Variants in GALNT11 observed in about 807,000 individuals in gnomAD.
GALNT11 encodes polypeptide N-acetylgalactosaminyltransferase 11.
A neutral mutation model predicts 72.7 loss-of-function variants in GALNT11; 47 were observed. The ratio of observed to expected loss-of-function variants is 0.65; its 90% confidence interval spans 0.51 to 0.82. The LOEUF (loss-of-function observed/expected upper bound fraction) is 0.82. Ranked by LOEUF, GALNT11 falls within the 40% of genes least tolerant of loss-of-function variation. GALNT11 has a pLI of 0.00. For synonymous variants in GALNT11, 270 were observed against 286.6 expected (o/e 0.94, Z 0.58); for missense variants, 677 against 778.4 (o/e 0.87, Z 1.55).
intron 1 of GALNT11, among the ~76,000 whole-genome samples, chr7:152,064,549 T>A (rs539491208): frequency 6.6e-6 from 1 of 152,322 alleles, no homozygotes; most frequent in South Asian, 2.1e-4. Flanking sequence ...TTCCTAGCAT[T>A]GATGGTCTTT....
At chr7:152,079,259 G>T (rs1177864520) in intron 1 of GALNT11, 1 of 152,126 alleles carries the variant, frequency 6.6e-6, no homozygotes, top group East Asian at 1.9e-4. Flanking sequence ...TTTACCTGAG[G>T]TAGCTTTTAC....
At chr7:152,048,085 A>G (rs1476938375) in intron 1 of GALNT11, among the ~76,000 whole-genome samples, 1 of 151,962 alleles carries the variant, frequency 6.6e-6, no homozygotes, top group African/African-American at 2.4e-5. Flanking sequence ...TTCTTTTAAG[A>G]TAGGTCTAGT....
At chr7:152,100,426 C>T (rs2086779527) in intron 2 of GALNT11, among the ~76,000 whole-genome samples, 2 of 151,890 alleles carry the variant, frequency 1.3e-5, no homozygotes, top group African/African-American at 4.8e-5. Flanking sequence ...ATTAGCTGGG[C>T]GTGGTGGCAT....
chr7:152,077,811 A>G (rs763800730), intron 1 of GALNT11, among the ~76,000 whole-genome samples: 1 of 152,144 alleles, frequency 6.6e-6, no homozygotes, highest in Non-Finnish European at 1.5e-5. Flanking sequence ...CGCACAGATA[A>G]CAGAGGATAG....
At chr7:152,088,714 T>C (rs1039755710) in intron 1 of GALNT11, among the ~76,000 whole-genome samples, 2 of 152,232 alleles carry the variant, frequency 1.3e-5, no homozygotes, top group African/African-American at 4.8e-5. Flanking sequence ...TAGAACTCAC[T>C]TTTAAAATCA....
At chr7:152,061,142 C>G (rs1388431867) in intron 1 of GALNT11, among the ~76,000 whole-genome samples, 2 of 152,138 alleles carry the variant, frequency 1.3e-5, no homozygotes, top group Non-Finnish European at 1.5e-5. Flanking sequence ...CCTGTTGTTT[C>G]CTGACTTTTT....
chr7:152,067,817 C>T (rs2084393316), intron 1 of GALNT11, among the ~76,000 whole-genome samples: 1 of 152,108 alleles, frequency 6.6e-6, no homozygotes, highest in Admixed American at 6.5e-5. Context: ...TTAATTGGCT[C>T]AGGGTTCTGC....
At chr7:152,089,349 C>G (rs1436662308) in intron 1 of GALNT11, among the ~76,000 whole-genome samples, 1 of 152,106 alleles carries the variant, frequency 6.6e-6, no homozygotes, top group Non-Finnish European at 1.5e-5. Flanking sequence ...AAATAGCACT[C>G]AAATATAAAT....
intron 1 of GALNT11, chr7:152,075,168 G>T (rs1444371010): frequency 6.6e-6 from 1 of 152,368 alleles, no homozygotes; most frequent in Non-Finnish European, 1.5e-5. Context: ...GGCTCTGGCA[G>T]TTTCTGCTCC....
Position 152,094,388 on chromosome 7 carries a change from A to T in GALNT11, c.161A>T (p.Lys54Ile). Reference protein sequence around the residue: ...GSGPHGPSPKKFYPRFTRGPS... With the variant: ...GSGPHGPSPKIFYPRFTRGPS... ...GGGCCCCACGGACCATCTCCAAAAA[A>T]ATTCTATCCCCGTTTCACTCGAGGC... The change falls in exon 2 of 12, where the codon AAA becomes ATA. Residue 54 changes from lysine to isoleucine, a missense_variant. Coordinates refer to ENST00000430044, the MANE Select transcript of GALNT11 (RefSeq NM_022087.4). The surrounding 1 kb of genome is among the most constrained non-coding windows in gnomAD (Gnocchi z 4.3). The T allele has an allele frequency of 6.2e-7, 1 of 1,614,192 alleles. No homozygotes were observed. The highest frequency in any genetic ancestry group is 2.2e-5 in the East Asian group (1 of 44,888).
intron 1 of GALNT11, among the ~76,000 whole-genome samples, chr7:152,083,689 A>T (rs1295917089): frequency 6.6e-6 from 1 of 152,172 alleles, no homozygotes; most frequent in African/African-American, 2.4e-5. Flanking sequence ...TTTCCAAATG[A>T]ACTTTATAAT....
At chr7:152,091,085 T>C (rs1346646797) in intron 1 of GALNT11, among the ~76,000 whole-genome samples, 1 of 151,860 alleles carries the variant, frequency 6.6e-6, no homozygotes, top group Admixed American at 6.6e-5. Context: ...TCTCACTCTG[T>C]CGCCCAAGCT....
intron 1 of GALNT11, among the ~76,000 whole-genome samples, chr7:152,044,465 T>C (rs73161878): frequency 0.033 from 5,045 of 152,332 alleles, 119 homozygotes; most frequent in Middle Eastern, 0.068. Context: ...GTCACAGTGC[T>C]GCAGAGATTT....
chr7:152,100,933 A>T lies in GALNT11; in HGVS notation c.419+12A>T. The T allele has an allele frequency of 6.2e-7, 1 of 1,612,242 alleles. No individual in the cohort carries two copies. Among genetic ancestry groups the T allele is most frequent in the Non-Finnish European group, 8.5e-7 (1 of 1,179,166 alleles). On this transcript the variant is annotated intron_variant, in intron 3 of 11. Transcript: ENST00000430044. Reference sequence around the variant, plus strand: ...ACAAGGAATGCAGCGTATGTGCCTTATCGGATTTGCAAATACATTTTAACA... The same window carrying T: ...ACAAGGAATGCAGCGTATGTGCCTTTTCGGATTTGCAAATACATTTTAACA...
intron 2 of GALNT11, among the ~76,000 whole-genome samples, chr7:152,095,219 C>T (rs1342381169): frequency 1.3e-5 from 2 of 152,034 alleles, no homozygotes; most frequent in Non-Finnish European, 2.9e-5. Context: ...ATATTCTCTT[C>T]AACTTGGATG....
chr7:152,056,321 G>A (rs1029945706), intron 1 of GALNT11, among the ~76,000 whole-genome samples: 2 of 152,202 alleles, frequency 1.3e-5, no homozygotes, highest in Non-Finnish European at 2.9e-5. Flanking sequence ...TTACCCAATG[G>A]ATGTTAATAG....
intron 1 of GALNT11, among the ~76,000 whole-genome samples, chr7:152,091,876 C>T (rs996486930): frequency 2.6e-5 from 4 of 152,260 alleles, no homozygotes; most frequent in East Asian, 1.9e-4. Flanking sequence ...ACACGAGAAA[C>T]GACATCAGTG....
At chr7:152,108,345 AATG>A in intron 6 of GALNT11, 58 bp downstream of exon 6, 1 of 1,544,122 alleles carries the variant, frequency 6.5e-7, no homozygotes, top group Non-Finnish European at 8.8e-7. Flanking sequence ...AAGAGAACAA[AATG>A]ATATTAAAGA....
In GALNT11 at chr7:152,036,845, A is replaced by C. The variant is rs560177903; in HGVS notation, c.-39+10961A>C. Among the ~76,000 whole-genome samples, 4 of 152,218 alleles carry C rather than the reference A, an allele frequency of 2.6e-5. No individual in the cohort carries two copies. In the East Asian group the frequency reaches 7.7e-4, roughly 29 times the overall value. Reference sequence around the variant, plus strand: ...TGCATTTCTCTGATCAGTGATGTTGATCACCTTTTCATACACCTGTTTGCT... The same window carrying C: ...TGCATTTCTCTGATCAGTGATGTTGCTCACCTTTTCATACACCTGTTTGCT... On this transcript the variant is annotated intron_variant, in intron 1 of 11. Transcript: ENST00000430044.
Sources: allele counts gnomAD v4.1 joint callset (sites outside exome capture counted in the v4.1 genomes callset), GRCh38; gene constraint gnomAD v4.1.1; non-coding constraint Gnocchi (gnomAD v3.1); transcripts MANE v1.5; gene names NCBI Gene and HGNC (gene_info 2026-07-23, HGNC 2026-07-21).